PITPNB: variants seen among roughly 807,000 people sequenced by gnomAD.
The protein encoded by PITPNB is phosphatidylinositol transfer protein beta.
In PITPNB, 16 loss-of-function variants were observed where a neutral mutation model predicts 45.9. The observed-to-expected ratio is 0.35, with a 90% CI of 0.24 to 0.53. The LOEUF (loss-of-function observed/expected upper bound fraction) is 0.53. Ranked by LOEUF, PITPNB falls within the 20% of genes least tolerant of loss-of-function variation. PITPNB has a pLI of 0.93. For missense variants in PITPNB, 188 were observed against 330.5 expected, an observed-to-expected ratio of 0.57 and a Z score of 3.34; for synonymous variants, 112 against 108.9, an observed-to-expected ratio of 1.03 and a Z score of -0.18.
intron 8 of PITPNB, among the ~76,000 whole-genome samples, chr22:27,861,313 T>C (rs1347747975): frequency 2.0e-5 from 3 of 151,704 alleles, no homozygotes; most frequent in South Asian, 2.1e-4. Context: ...AAAATAATAA[T>C]AATAAAGACA....
intron 7 of PITPNB, among the ~76,000 whole-genome samples, chr22:27,883,443 C>CT (rs1935030308): frequency 1.3e-5 from 2 of 152,192 alleles, no homozygotes; most frequent in Non-Finnish European, 2.9e-5. Flanking sequence ...AGAAGGGTGC[C>CT]TATGCTACAA....
Position 27,860,251 on chromosome 22 carries a change from A to G in PITPNB, c.535-10T>C. 1 of 1,513,648 alleles carries G rather than the reference A, an allele frequency of 6.6e-7. No individual in the cohort carries two copies. The highest frequency in any genetic ancestry group is 9.1e-7 in the Non-Finnish European group (1 of 1,099,326). The allele number at this position is 1,513,648 out of a possible 1,614,324, so 93.8% of individuals were successfully genotyped here. On this transcript the variant is annotated splice_polypyrimidine_tract_variant and intron_variant, in intron 8 of 11. Transcript: ENST00000335272. Reference sequence around the variant, plus strand: ...TGTTTGCCAGCTCCTTCTAGATGAGAAAAATTGAAAAGGAGAAATTATGAC... The same window carrying G: ...TGTTTGCCAGCTCCTTCTAGATGAGGAAAATTGAAAAGGAGAAATTATGAC...
intron 2 of PITPNB, among the ~76,000 whole-genome samples, chr22:27,912,425 C>T (rs1203433466): frequency 6.6e-6 from 1 of 152,088 alleles, no homozygotes; most frequent in East Asian, 1.9e-4. Flanking sequence ...TCTAATAATG[C>T]CACAATCCTT....
chr22:27,868,375 A>T (rs1010863942), intron 8 of PITPNB, among the ~76,000 whole-genome samples: 3 of 152,164 alleles, frequency 2.0e-5, no homozygotes, highest in Non-Finnish European at 4.4e-5. Flanking sequence ...TGGCCAAAAA[A>T]ATTTTGCAGT....
At chr22:27,890,706 C>T (rs1236391449) in intron 7 of PITPNB, among the ~76,000 whole-genome samples, 2 of 152,080 alleles carry the variant, frequency 1.3e-5, no homozygotes, top group Admixed American at 6.6e-5. Context: ...CCCAGCTACT[C>T]GGGAGGCTGA....
intron 7 of PITPNB, among the ~76,000 whole-genome samples, chr22:27,891,586 G>A (rs1935280574): frequency 6.6e-6 from 1 of 152,172 alleles, no homozygotes; most frequent in African/African-American, 2.4e-5. Flanking sequence ...TGTCAAGGAA[G>A]GGAGGTGACT....
intron 6 of PITPNB, among the ~76,000 whole-genome samples, chr22:27,896,248 T>C (rs1274506225): frequency 6.6e-6 from 1 of 152,200 alleles, no homozygotes; most frequent in Non-Finnish European, 1.5e-5. Flanking sequence ...GCAATCTAAT[T>C]AGCAAAACTA....
intron 11 of PITPNB, 47 bp downstream of exon 11, chr22:27,854,807 A>G: frequency 8.4e-7 from 1 of 1,187,928 alleles, no homozygotes; most frequent in Admixed American, 1.9e-5. Flanking sequence ...CCCATCACCA[A>G]AAAGGTACAG....
At chr22:27,908,173 T>C (rs541700440) in intron 3 of PITPNB, among the ~76,000 whole-genome samples, 5 of 151,288 alleles carry the variant, frequency 3.3e-5, no homozygotes, top group African/African-American at 1.2e-4. Flanking sequence ...TCAAAAATCA[T>C]ATTTAACATT....
Position 27,858,496 on chromosome 22 carries a change from A to G in PITPNB, c.659T>C (p.Ile220Thr). ...ENFIQKQEKR[I>T]FTNFHRQLFC... ...AAGCTGGCGATGGAAGTTTGTAAATATCCGTTTTTCTTGCTTTTAAAACAA... is the reference window on the plus strand; with the variant it reads ...AAGCTGGCGATGGAAGTTTGTAAATGTCCGTTTTTCTTGCTTTTAAAACAA... Residue 220 changes from isoleucine (I) to threonine (T), a missense_variant, in exon 10 of 12, where the codon ATA (isoleucine) becomes ACA (threonine). Ile to Thr is a moderately conservative substitution (Grantham distance 89, BLOSUM62 -1). Coordinates refer to ENST00000335272, the MANE Select transcript of PITPNB (RefSeq NM_012399.5). 6.2e-7 allele frequency: 1 copy of G among 1,610,296 alleles called. No homozygotes were observed. Among genetic ancestry groups the G allele is most frequent in the Non-Finnish European group, 8.5e-7 (1 of 1,178,790 alleles).
chr22:27,877,419 G>A (rs560927137), intron 7 of PITPNB, among the ~76,000 whole-genome samples: 5 of 152,238 alleles, frequency 3.3e-5, no homozygotes, highest in East Asian at 1.9e-4. Context: ...GATAGCCTTC[G>A]GAGAACAAAA....
Position 27,854,912 on chromosome 22 carries a change from TGCC to T in PITPNB, c.793_795del (p.Gly265del). On this transcript the variant is annotated inframe_deletion, in exon 11 of 12. Transcript: ENST00000335272. The stretch of plus-strand genomic sequence containing the variant: ...CTCATCTAGACATCAGCAGCCGACG[TGCC>T]TCGAACGGAACCCCTCTTACGCATC... 6.2e-7 allele frequency: 1 copy of T among 1,613,886 alleles called. No homozygotes were observed. The highest frequency in any genetic ancestry group is 8.5e-7 in the Non-Finnish European group (1 of 1,179,754).
At chr22:27,861,969 G>A (rs1029440693) in intron 8 of PITPNB, among the ~76,000 whole-genome samples, 7 of 152,104 alleles carry the variant, frequency 4.6e-5, no homozygotes, top group Admixed American at 2.6e-4. Context: ...GCAACACGAC[G>A]GGGACCCCTT....
Position 27,855,364 on chromosome 22 carries a change from AG to A in PITPNB, c.769-426del, listed in dbSNP as rs1404299754. On this transcript the variant is annotated intron_variant, in intron 10 of 11. Transcript: ENST00000335272. ...AGGGTCTCTCAGTGGAGTCCTTTAA[AG>A]GAAGTTTACTGAAAGGAGGGAGAAT... Among the ~76,000 whole-genome samples the A allele has an allele frequency of 2.6e-5, 4 of 152,316 alleles. No homozygotes were observed. The South Asian group carries it at 8.3e-4, about 32-fold the overall frequency.
chr22:27,896,375 G>C (rs115463846), intron 6 of PITPNB, among the ~76,000 whole-genome samples, 177 bp downstream of exon 6: 4 of 152,248 alleles, frequency 2.6e-5, no homozygotes, highest in Non-Finnish European at 4.4e-5. Flanking sequence ...CAAGGCAAGC[G>C]GACTGATAGG....
At chr22:27,868,153 C>G (rs373987601) in intron 8 of PITPNB, among the ~76,000 whole-genome samples, 2 of 152,156 alleles carry the variant, frequency 1.3e-5, no homozygotes, top group African/African-American at 2.4e-5. Flanking sequence ...TCAAATGCTT[C>G]GTATCCTCCC....
chr22:27,890,558 T>C (rs964126769), intron 7 of PITPNB, among the ~76,000 whole-genome samples: 1 of 152,134 alleles, frequency 6.6e-6, no homozygotes, highest in Non-Finnish European at 1.5e-5. Context: ...CTCATGCCTG[T>C]AATCCCAGCA....
At chr22:27,887,052 AT>A (rs1935142232) in intron 7 of PITPNB, among the ~76,000 whole-genome samples, 1 of 152,176 alleles carries the variant, frequency 6.6e-6, no homozygotes, top group African/African-American at 2.4e-5. Flanking sequence ...CTTTTTCCAA[AT>A]CACCACCAAC....
At chr22:27,880,094 A>G (rs1444100407) in intron 7 of PITPNB, among the ~76,000 whole-genome samples, 1 of 152,186 alleles carries the variant, frequency 6.6e-6, no homozygotes, top group Admixed American at 6.5e-5. Context: ...AAAACTTGAA[A>G]TAAAGGTACT....
Sources: gnomAD v4.1 joint callset for allele counts (sites outside exome capture counted in the v4.1 genomes callset) on GRCh38, gnomAD v4.1.1 for gene constraint, MANE v1.5 for transcripts, NCBI Gene and HGNC (gene_info 2026-07-23, HGNC 2026-07-21) for gene names.